XRCC4: variants seen among roughly 807,000 people sequenced by gnomAD.
XRCC4 encodes the protein DNA repair protein XRCC4.
XRCC4 carries 28 observed loss-of-function variants against 39.1 expected under a neutral mutation model. The observed-to-expected ratio is 0.72, with a 90% CI of 0.53 to 0.98. The LOEUF (loss-of-function observed/expected upper bound fraction) is 0.98. XRCC4 is among the 50% of genes least tolerant of loss of function. XRCC4 has a pLI of 0.00. For missense variants in XRCC4, 350 were observed against 376.4 expected (o/e 0.93, Z 0.58); for synonymous variants, 123 against 126.4 (o/e 0.97, Z 0.18).
At chr5:83,290,108 C>T (rs542754179) in intron 7 of XRCC4, among the ~76,000 whole-genome samples, 1 of 151,908 alleles carries the variant, frequency 6.6e-6, no homozygotes, top group South Asian at 2.1e-4. Context: ...TCAGTTGTGA[C>T]TCTCTCGATT....
intron 7 of XRCC4, among the ~76,000 whole-genome samples, chr5:83,284,968 G>A (rs1754682875): frequency 6.6e-6 from 1 of 152,080 alleles, no homozygotes; most frequent in Non-Finnish European, 1.5e-5. Flanking sequence ...CCCTGGGAAA[G>A]ACAGAAATGA....
intron 6 of XRCC4, among the ~76,000 whole-genome samples, chr5:83,247,687 C>T (rs1580420894): frequency 6.6e-6 from 1 of 152,208 alleles, no homozygotes; most frequent in East Asian, 1.9e-4. Context: ...GTGATTTTCT[C>T]TCTGAATACA....
chr5:83,197,652 C>T (rs1032220089), intron 4 of XRCC4, among the ~76,000 whole-genome samples: 3 of 152,108 alleles, frequency 2.0e-5, no homozygotes, highest in African/African-American at 4.8e-5. Context: ...TTTGCTATTT[C>T]TGGACTATCC....
chr5:83,300,187 T>A (rs371896776), intron 7 of XRCC4, among the ~76,000 whole-genome samples: 3 of 152,300 alleles, frequency 2.0e-5, no homozygotes, highest in African/African-American at 7.2e-5. Flanking sequence ...GTCAGTAGTG[T>A]CCCACCTTTA....
intron 6 of XRCC4, among the ~76,000 whole-genome samples, chr5:83,249,178 A>G (rs1318116990): frequency 6.6e-6 from 1 of 152,146 alleles, no homozygotes; most frequent in Non-Finnish European, 1.5e-5. Context: ...TTGTTATGTG[A>G]CCTGCCCATA....
intron 7 of XRCC4, among the ~76,000 whole-genome samples, chr5:83,332,871 A>G (rs747015874): frequency 6.6e-5 from 10 of 152,210 alleles, no homozygotes; most frequent in Non-Finnish European, 1.5e-4. Flanking sequence ...GGAGACAGGC[A>G]GGCATGGGTT....
intron 3 of XRCC4, among the ~76,000 whole-genome samples, chr5:83,117,839 A>G (rs1324566446): frequency 6.6e-6 from 1 of 152,022 alleles, no homozygotes; most frequent in East Asian, 1.9e-4. Context: ...TTATGAAGCC[A>G]TCACTTAGGT....
chr5:83,339,636 A>G (rs571445682), intron 7 of XRCC4, among the ~76,000 whole-genome samples: 1 of 152,294 alleles, frequency 6.6e-6, no homozygotes, highest in African/African-American at 2.4e-5. Context: ...TAAAAAAAAA[A>G]AATTCAAGCT....
intron 1 of XRCC4, among the ~76,000 whole-genome samples, chr5:83,082,902 C>T (rs537861345): frequency 3.6e-4 from 55 of 152,270 alleles, no homozygotes; most frequent in African/African-American, 1.3e-3. Context: ...TTCTCTCTCC[C>T]TTTGTTCCAG....
At position 83,111,163 on chromosome 5, in the gene XRCC4, CT is replaced by C; in HGVS notation, c.277del (p.Cys93ValfsTer9). The C allele has an allele frequency of 6.3e-7, 1 of 1,594,136 alleles. No homozygotes were observed. Among genetic ancestry groups the C allele is most frequent in the Non-Finnish European group, 8.5e-7 (1 of 1,173,862 alleles). ...DVYTFNFSKE[S>X]CYFFFEKNLK... is the part of the protein sequence containing the mutation. ...TACACGTTTAATTTTTCTAAAGAGT[CT>C]TGTTATTTCTTCTTTGAGAAAAACC... On this transcript the variant is annotated frameshift_variant, in exon 3 of 8. Transcript: ENST00000396027. LOFTEE classifies it high-confidence loss of function.
At chr5:83,235,084 G>A (rs149451234) in intron 6 of XRCC4, among the ~76,000 whole-genome samples, 275 of 151,480 alleles carry the variant, frequency 1.8e-3, no homozygotes, top group Admixed American at 3.4e-3. Context: ...CCTATAATCC[G>A]ATCATTTTGG....
chr5:83,244,665 T>A (rs907175958), intron 6 of XRCC4, among the ~76,000 whole-genome samples: 1 of 152,154 alleles, frequency 6.6e-6, no homozygotes, highest in African/African-American at 2.4e-5. Flanking sequence ...AAACTCTACT[T>A]TGTGCCTCTT....
chr5:83,180,832 A>G (rs917840496), intron 3 of XRCC4, among the ~76,000 whole-genome samples: 4 of 152,146 alleles, frequency 2.6e-5, no homozygotes, highest in African/African-American at 9.7e-5. Context: ...ATGTTACTCT[A>G]TCAACAGTGA....
chr5:83,283,744 A>G (rs77387803), intron 7 of XRCC4, among the ~76,000 whole-genome samples: 4,584 of 152,248 alleles, frequency 0.03, 108 homozygotes, highest in Middle Eastern at 0.12. Flanking sequence ...CTTCTCAGAC[A>G]TGAATGTACT....
chr5:83,183,045 C>G (rs373599028), intron 3 of XRCC4, among the ~76,000 whole-genome samples: 145 of 152,260 alleles, frequency 9.5e-4, no homozygotes, highest in Middle Eastern at 6.8e-3. Context: ...AGCTTCTTAT[C>G]TGAATACGTA....
chr5:83,295,775 A>G (rs141337609), intron 7 of XRCC4, among the ~76,000 whole-genome samples: 108 of 152,188 alleles, frequency 7.1e-4, no homozygotes, highest in African/African-American at 2.5e-3. Context: ...ATGGAGAGGT[A>G]AGCAGGATCC....
intron 2 of XRCC4, among the ~76,000 whole-genome samples, 189 bp downstream of exon 2, chr5:83,105,247 G>A (rs1283371649): frequency 1.3e-5 from 2 of 152,056 alleles, no homozygotes; most frequent in African/African-American, 2.4e-5. Context: ...AAAAACAAAC[G>A]TGTCCTAGAA....
At chr5:83,243,021 C>A (rs1202894944) in intron 6 of XRCC4, among the ~76,000 whole-genome samples, 1 of 152,124 alleles carries the variant, frequency 6.6e-6, no homozygotes, top group Non-Finnish European at 1.5e-5. Context: ...ATTATGATAT[C>A]TTTCATCTTG....
At chr5:83,098,397 A>G (rs571858254) in intron 1 of XRCC4, among the ~76,000 whole-genome samples, 1 of 152,232 alleles carries the variant, frequency 6.6e-6, no homozygotes, top group South Asian at 2.1e-4. Flanking sequence ...GAGATTTTCT[A>G]GGTCTTGGGA....
Sources: allele counts gnomAD v4.1 joint callset (sites outside exome capture counted in the v4.1 genomes callset), GRCh38; gene constraint gnomAD v4.1.1; transcripts MANE v1.5; gene names NCBI Gene and HGNC (gene_info 2026-07-23, HGNC 2026-07-21).